The following GYPE variants were observed in gnomAD, a reference collection of about 807,000 sequenced individuals.
GYPE encodes glycophorin-E.
In GYPE, 8 loss-of-function variants were observed where a neutral mutation model predicts 11.6. That is an observed-to-expected ratio of 0.69 (90% CI 0.41 to 1.25). GYPE has a LOEUF of 1.25. GYPE is among the 50% of genes most tolerant of loss of function. The probability of loss-of-function intolerance (pLI) is 0.01; values close to 1 mark genes in which losing one functional copy is unlikely to be tolerated. For synonymous variants in GYPE, 28 were observed against 29.6 expected (o/e 0.94, Z 0.18); for missense variants, 90 against 92.8 (o/e 0.97, Z 0.12).
chr4:143,883,438 C>A (rs1744117969), intron 1 of GYPE, among the ~76,000 whole-genome samples: 1 of 148,410 alleles, frequency 6.7e-6, no homozygotes, highest in South Asian at 2.1e-4. Flanking sequence ...CAGATTGCAT[C>A]TGAATGGGAA....
At chr4:143,898,990 A>T (rs2590012) in intron 1 of GYPE, among the ~76,000 whole-genome samples, 133,929 of 136,700 alleles carry the variant, frequency 0.98, 65,689 homozygotes, top group East Asian at 1. Context: ...TTTTGGTTTT[A>T]AAAAATATAA....
chr4:143,876,891 G>T, intron 2 of GYPE, 36 bp from the exon 3 acceptor site: 2 of 1,199,156 alleles, frequency 1.7e-6, no homozygotes, highest in Non-Finnish European at 2.5e-6. Flanking sequence ...AATTATGAAA[G>T]TCTGAAATAA....
intron 1 of GYPE, among the ~76,000 whole-genome samples, chr4:143,887,551 C>A (rs1314294773): frequency 2.0e-5 from 3 of 146,466 alleles, no homozygotes; most frequent in Admixed American, 7.0e-5. Flanking sequence ...AAATGAATCA[C>A]TGGATGAACC....
intron 1 of GYPE, among the ~76,000 whole-genome samples, chr4:143,895,091 G>A (rs1379876413): frequency 6.6e-6 from 1 of 152,048 alleles, no homozygotes. Flanking sequence ...TTTGAAAACT[G>A]GCACAAGACA....
At chr4:143,875,348 T>C in intron 3 of GYPE, 2 of 857,144 alleles carry the variant, frequency 2.3e-6, no homozygotes, top group East Asian at 2.7e-5. Context: ...TATTTAGAAG[T>C]AGAGAATACA....
intron 3 of GYPE, among the ~76,000 whole-genome samples, chr4:143,874,718 G>A (rs1029337800): frequency 1.3e-5 from 2 of 152,190 alleles, no homozygotes; most frequent in Non-Finnish European, 2.9e-5. Flanking sequence ...AGGTCCTTTA[G>A]TTCAACCTGT....
chr4:143,878,655 A>G (rs1324556666), intron 2 of GYPE: 1 of 490,034 alleles, frequency 2.0e-6, no homozygotes, highest in African/African-American at 2.0e-5. Context: ...CAGGGAAACG[A>G]TGGACAAGTT....
At chr4:143,894,734 A>T (rs1341431388) in intron 1 of GYPE, among the ~76,000 whole-genome samples, 1 of 152,172 alleles carries the variant, frequency 6.6e-6, no homozygotes, top group Non-Finnish European at 1.5e-5. Context: ...TCCTTGATGA[A>T]CATTGATGCA....
chr4:143,885,219 A>C (rs1744186544), intron 1 of GYPE, among the ~76,000 whole-genome samples: 1 of 152,164 alleles, frequency 6.6e-6, no homozygotes, highest in Admixed American at 6.5e-5. Context: ...ATGGGAGCTA[A>C]CATCTCTTAA....
chr4:143,882,087 T>C (rs1744041193), intron 1 of GYPE, among the ~76,000 whole-genome samples: 1 of 152,068 alleles, frequency 6.6e-6, no homozygotes, highest in Non-Finnish European at 1.5e-5. Context: ...TTTTCTCTTC[T>C]CTTTTAAGTT....
intron 3 of GYPE, 76 bp downstream of exon 3, chr4:143,876,670 C>G (rs1743822161): frequency 6.7e-6 from 5 of 743,320 alleles, no homozygotes; most frequent in Non-Finnish European, 1.2e-5. Context: ...TTGAGTTTAA[C>G]TGAACTCAGA....
intron 1 of GYPE, among the ~76,000 whole-genome samples, chr4:143,900,500 C>T (rs1467809359): frequency 7.2e-6 from 1 of 138,894 alleles, no homozygotes; most frequent in Non-Finnish European, 1.6e-5. Flanking sequence ...TATAGCAGCA[C>T]TATTCACAAT....
chr4:143,889,919 A>T (rs1457480776), intron 1 of GYPE, among the ~76,000 whole-genome samples: 2 of 152,180 alleles, frequency 1.3e-5, no homozygotes, highest in African/African-American at 4.8e-5. Context: ...GCAGAGCTGG[A>T]TTTTGAATTC....
chr4:143,871,835 A>G lies in GYPE; in HGVS notation c.*427T>C, dbSNP rs1743629617. 1 of 152,194 alleles carries G rather than the reference A, an allele frequency of 6.6e-6. No homozygotes were observed. The highest frequency in any genetic ancestry group is 2.1e-4 in the South Asian group (1 of 4,822). 9.4% of individuals were successfully genotyped at this position (152,194 alleles called of 1,614,324 possible). On this transcript the variant is annotated 3_prime_UTR_variant, in exon 4 of 4. Transcript: ENST00000358615. ...TGTGGTTGGACAACCGAGTTCTGAG[A>G]AAGGCAGTGATTGAGCAGCTGAATT...
At chr4:143,891,395 C>G (rs1382625798) in intron 1 of GYPE, among the ~76,000 whole-genome samples, 2 of 143,042 alleles carry the variant, frequency 1.4e-5, no homozygotes, top group African/African-American at 5.2e-5. Flanking sequence ...GTGGCCTGAT[C>G]TCGGCTGACT....
intron 1 of GYPE, among the ~76,000 whole-genome samples, chr4:143,895,182 A>C (rs1011077879): frequency 9.9e-5 from 15 of 152,268 alleles, no homozygotes; most frequent in African/African-American, 3.6e-4. Context: ...AACGAAATAA[A>C]GGGTATTCAA....
chr4:143,874,721 C>T (rs1433879505), intron 3 of GYPE, among the ~76,000 whole-genome samples: 21 of 152,178 alleles, frequency 1.4e-4, no homozygotes, highest in African/African-American at 4.8e-4. Context: ...TCCTTTAGTT[C>T]AACCTGTCCT....
Position 143,871,949 on chromosome 4 carries a change from G to A in GYPE, c.*313C>T, listed in dbSNP as rs1178225172. On this transcript the variant is annotated 3_prime_UTR_variant, in exon 4 of 4. Transcript: ENST00000358615. ...GTTATCTTGCTGATCTTACCCAGGA[G>A]GACTGTCCCCTAGGCAAGGGGACAC... 2 of 152,060 alleles carry A rather than the reference G, an allele frequency of 1.3e-5. No homozygotes were observed. The highest frequency in any genetic ancestry group is 2.4e-5 in the African/African-American group (1 of 41,402). 9.4% of individuals were successfully genotyped at this position (152,060 alleles called of 1,614,324 possible).
chr4:143,889,812 G>T (rs1263895794), intron 1 of GYPE, among the ~76,000 whole-genome samples: 2 of 152,044 alleles, frequency 1.3e-5, no homozygotes, highest in Non-Finnish European at 2.9e-5. Context: ...AACTAGCTGA[G>T]ACCCTATTGT....
Sources: allele counts gnomAD v4.1 joint callset (sites outside exome capture counted in the v4.1 genomes callset), GRCh38; gene constraint gnomAD v4.1.1; transcripts MANE v1.5; gene names NCBI Gene and HGNC (gene_info 2026-07-23, HGNC 2026-07-21).